MICU3: variants seen among roughly 807,000 people sequenced by gnomAD.
The protein encoded by MICU3 is mitochondrial calcium uptake 3.
MICU3 carries 62 observed loss-of-function variants against 66.5 expected under a neutral mutation model. The ratio of observed to expected loss-of-function variants is 0.93; its 90% confidence interval spans 0.76 to 1.15. The LOEUF (loss-of-function observed/expected upper bound fraction) is 1.15. Ranked by LOEUF, MICU3 falls within the 50% of genes most tolerant of loss-of-function variation. MICU3 has a pLI of 0.00. For missense variants in MICU3, 779 were observed against 664.4 expected (o/e 1.17, Z -1.90); for synonymous variants, 308 against 240.7 (o/e 1.28, Z -2.59).
At chr8:17,090,749 C>G in intron 8 of MICU3, 165 bp downstream of exon 8, 1 of 481,466 alleles carries the variant, frequency 2.1e-6, no homozygotes, top group Non-Finnish European at 3.6e-6. Context: ...CATTTCATTC[C>G]TAGATTTATG....
At chr8:17,058,819 T>G (rs1275391112) in intron 1 of MICU3, among the ~76,000 whole-genome samples, 1 of 152,240 alleles carries the variant, frequency 6.6e-6, no homozygotes, top group African/African-American at 2.4e-5. Context: ...ATTATTCATC[T>G]TATGCCATTA....
rs1554518402 is a variant in MICU3, at chr8:17,066,543, A to AGATT, written c.535+2306_535+2307insGATT. Among the ~76,000 whole-genome samples the AGATT allele has an allele frequency of 8.6e-4, 90 of 104,892 alleles. 2 individuals are homozygous for AGATT. Among genetic ancestry groups the AGATT allele is most frequent in the Non-Finnish European group, 7.7e-4 (44 of 57,016 alleles). 68.8% of individuals were successfully genotyped at this position (104,892 alleles called of 152,430 possible). On this transcript the variant is annotated intron_variant, in intron 2 of 14. Transcript: ENST00000318063. Reference sequence around the variant, plus strand: ...TATATATATATATATATATATATAGATTTTTTTTTTTTTTTTTGAGGCAGG... The same window carrying AGATT: ...TATATATATATATATATATATATAGAGATTTTTTTTTTTTTTTTTTTGAGGCAGG...
Position 17,118,749 on chromosome 8 carries a change from C to G in MICU3, c.1567C>G (p.Leu523Val). 6.2e-7 allele frequency: 1 copy of G among 1,612,278 alleles called. No homozygotes were observed. Among genetic ancestry groups the G allele is most frequent in the Non-Finnish European group, 8.5e-7 (1 of 1,178,688 alleles). ...GAAGTACCCCACTTTCAAATCCTGC[C>G]TGAAGAAAGAACTTCACAGCAGATA... Reference protein sequence around the residue: ...VQKYPTFKSCLKKELHSR With the variant: ...VQKYPTFKSCVKKELHSR Residue 523 changes from leucine (L) to valine (V), a missense_variant, in exon 14 of 15, where the codon CTG becomes GTG. Leu to Val is a conservative substitution (Grantham distance 32, BLOSUM62 1). Transcript: ENST00000318063.
chr8:17,055,756 A>G (rs1816820475), intron 1 of MICU3, among the ~76,000 whole-genome samples: 1 of 152,184 alleles, frequency 6.6e-6, no homozygotes, highest in Non-Finnish European at 1.5e-5. Context: ...CTGTCCTAGT[A>G]CGTTCTCTTG....
intron 13 of MICU3, 101 bp from the exon 14 acceptor site, chr8:17,118,606 T>G (rs1429763725): frequency 6.9e-6 from 5 of 729,142 alleles, no homozygotes; most frequent in Non-Finnish European, 9.4e-6. Context: ...CATTCTACTC[T>G]CCACTTCTAT....
At chr8:17,134,460 TTTGA>T in the MICU3 span, among the ~76,000 whole-genome samples, 2 of 150,324 alleles carry the variant, frequency 1.3e-5, no homozygotes, top group African/African-American at 2.5e-5. Context: ...TGTTTGTTTG[TTTGA>T]GACAGAGCCT....
At chr8:17,078,212 G>T (rs961845890) in intron 4 of MICU3, among the ~76,000 whole-genome samples, 5 of 151,842 alleles carry the variant, frequency 3.3e-5, no homozygotes, top group African/African-American at 1.2e-4. Flanking sequence ...AAAAATACTA[G>T]ATCTTCAAAG....
At chr8:17,060,473 G>A (rs371329207) in intron 1 of MICU3, among the ~76,000 whole-genome samples, 67 of 151,730 alleles carry the variant, frequency 4.4e-4, no homozygotes, top group African/African-American at 1.5e-3. Context: ...CACCACACCC[G>A]GCCAATTTTT....
intron 12 of MICU3, 108 bp from the exon 13 acceptor site, chr8:17,116,335 A>T (rs1268158345): frequency 1.5e-6 from 1 of 670,984 alleles, no homozygotes; most frequent in African/African-American, 1.9e-5. Context: ...GTTGCATAAG[A>T]TCATGATTCA....
chr8:17,119,266 T>C (rs1802987092), intron 14 of MICU3, among the ~76,000 whole-genome samples: 1 of 152,182 alleles, frequency 6.6e-6, no homozygotes, highest in Non-Finnish European at 1.5e-5. Context: ...TATTCATTTA[T>C]TACTTCCTAT....
rs145156252 is a variant in MICU3, at chr8:17,094,286, C to G, written c.888+3702C>G. Among the ~76,000 whole-genome samples, 125 of 152,036 alleles carry G rather than the reference C, an allele frequency of 8.2e-4. 1 individual carries two copies. The highest frequency in any genetic ancestry group is 7.4e-3 in the East Asian group (38 of 5,158). On this transcript the variant is annotated intron_variant, in intron 8 of 14. Transcript: ENST00000318063. ...GCTTTCAAGCATTGTGGTCTGTGAT[C>G]CCATTACATTGTCGAAAGTTATTGA... is the stretch of plus-strand genomic sequence containing the variant.
intron 1 of MICU3, among the ~76,000 whole-genome samples, chr8:17,044,159 G>A (rs930161988): frequency 1.4e-4 from 22 of 152,196 alleles, no homozygotes; most frequent in Non-Finnish European, 2.6e-4. Context: ...GGTTAAAGCC[G>A]TAGATTGGGT....
At position 17,104,505 on chromosome 8, in the gene MICU3, TA is replaced by T. The variant is rs752779729; in HGVS notation, c.1085+15del. 7.6e-7 allele frequency: 1 copy of T among 1,322,634 alleles called. No homozygotes were observed. Among genetic ancestry groups the T allele is most frequent in the Non-Finnish European group, 1.0e-6 (1 of 978,602 alleles). 81.9% of individuals were successfully genotyped at this position (1,322,634 alleles called of 1,614,324 possible). A position where few individuals can be genotyped will look rare whatever the true frequency, so the allele number is the denominator to read the frequency against. ...AGATTTTTATAGGTGAGCTTATTTT[TA>T]TATTTTTATTAAAAATTATTAGCCT... On this transcript the variant is annotated intron_variant, in intron 10 of 14. Coordinates refer to ENST00000318063, the MANE Select transcript of MICU3 (RefSeq NM_181723.3).
rs1299554218 is a variant in MICU3 at position 17,086,142 on chromosome 8, C to G, written c.778-822C>G. On this transcript the variant is annotated intron_variant, in intron 6 of 14. Transcript: ENST00000318063. ...TTTTGTTTTCTTTTTAAATTATGGCCCTACCTCCTGAACAGCCATTTTATT... is the reference window on the plus strand; with the variant it reads ...TTTTGTTTTCTTTTTAAATTATGGCGCTACCTCCTGAACAGCCATTTTATT... Among the ~76,000 whole-genome samples, 5 of 152,076 alleles carry G rather than the reference C, an allele frequency of 3.3e-5. No individual in the cohort carries two copies. In the South Asian group the frequency reaches 6.2e-4, roughly 19 times the overall value.
intron 5 of MICU3, among the ~76,000 whole-genome samples, chr8:17,083,498 C>A (rs1821500765): frequency 6.6e-6 from 1 of 151,990 alleles, no homozygotes; most frequent in Admixed American, 6.6e-5. Context: ...AACTAAGTTC[C>A]TCCCAAAGTT....
chr8:17,112,757 G>A (rs912964564), intron 11 of MICU3, among the ~76,000 whole-genome samples: 8 of 151,838 alleles, frequency 5.3e-5, no homozygotes, highest in African/African-American at 1.9e-4. Flanking sequence ...TTCCATCCTC[G>A]TGTGTTTTAC....
intron 14 of MICU3, among the ~76,000 whole-genome samples, 157 bp from the exon 15 acceptor site, chr8:17,120,131 A>C (rs1291725572): frequency 6.6e-6 from 1 of 152,108 alleles, no homozygotes; most frequent in Non-Finnish European, 1.5e-5. Context: ...TACTAAACAA[A>C]ACACTCAGCT....
At chr8:17,108,920 C>A (rs186508424) in intron 11 of MICU3, among the ~76,000 whole-genome samples, 1 of 152,158 alleles carries the variant, frequency 6.6e-6, no homozygotes, top group African/African-American at 2.4e-5. Context: ...GCACCAACCA[C>A]AGAAACTCTT....
intron 1 of MICU3, among the ~76,000 whole-genome samples, chr8:17,054,959 G>A (rs779463971): frequency 2.0e-5 from 3 of 151,888 alleles, no homozygotes; most frequent in Admixed American, 6.6e-5. Context: ...GGATGGTCTC[G>A]ATCTCCTGAC....
Sources: gnomAD v4.1 joint callset for allele counts (sites outside exome capture counted in the v4.1 genomes callset) on GRCh38, gnomAD v4.1.1 for gene constraint, MANE v1.5 for transcripts, NCBI Gene and HGNC (gene_info 2026-07-23, HGNC 2026-07-21) for gene names.